The following OSBPL1A variants were observed in gnomAD, a reference collection of about 807,000 sequenced individuals.
The protein encoded by OSBPL1A is oxysterol binding protein like 1A.
In OSBPL1A, 80 loss-of-function variants were observed where a neutral mutation model predicts 137.1. The observed-to-expected ratio is 0.58, with a 90% CI of 0.49 to 0.70. OSBPL1A has a LOEUF of 0.70. Among genes scored for constraint, OSBPL1A ranks in the 30% least tolerant of loss-of-function variants. OSBPL1A has a pLI of 0.00. For synonymous variants in OSBPL1A, 365 were observed against 389.7 expected, an observed-to-expected ratio of 0.94 and a Z score of 0.75; for missense variants, 970 against 1,129.4, an observed-to-expected ratio of 0.86 and a Z score of 2.02.
At chr18:24,248,337 C>T (rs1435286492) in intron 15 of OSBPL1A, among the ~76,000 whole-genome samples, 2 of 152,162 alleles carry the variant, frequency 1.3e-5, no homozygotes, top group Admixed American at 6.6e-5. Context: ...AGTCTCAAGG[C>T]CCTACAAAGC....
intron 14 of OSBPL1A, among the ~76,000 whole-genome samples, chr18:24,281,366 G>T (rs1277831955): frequency 6.6e-6 from 1 of 151,074 alleles, no homozygotes; most frequent in Non-Finnish European, 1.5e-5. Context: ...TTACAGGCGT[G>T]AGTCACCGCG....
At chr18:24,345,116 C>T (rs1452589240) in intron 4 of OSBPL1A, among the ~76,000 whole-genome samples, 2 of 151,100 alleles carry the variant, frequency 1.3e-5, no homozygotes, top group Non-Finnish European at 1.5e-5. Flanking sequence ...CTGCACCCAG[C>T]TGAGAAGAAT....
Position 24,280,935 on chromosome 18 carries a change from T to C in OSBPL1A, c.1188A>G (p.Ser396=). The C allele has an allele frequency of 6.2e-7, 1 of 1,601,376 alleles. No individual in the cohort carries two copies. Among genetic ancestry groups the C allele is most frequent in the South Asian group, 1.1e-5 (1 of 88,144 alleles). The change falls in exon 15 of 28, where the codon TCA becomes TCG. Residue 396 remains serine, a synonymous_variant. Transcript: ENST00000319481. ...AGACAACTTCAACTTTCTGAAGAAA[T>C]GATGGAAGCATTTCTATAAAGAAAA... ...ECDMAKEMLP[S]FLQKVEVVSE...
At position 24,165,297 on chromosome 18, in the gene OSBPL1A, T is replaced by G. The variant is rs974009984; in HGVS notation, c.2660-142A>C. 2.9e-5 allele frequency: 22 copies of G among 771,620 alleles called. No individual in the cohort carries two copies. The African/African-American group carries it at 3.7e-4, about 13-fold the overall frequency. The allele number at this position is 771,620 out of a possible 1,614,324, so 47.8% of individuals were successfully genotyped here. Reference sequence around the variant, plus strand: ...AGAACACAAATACCAGAATCAAATATCAAGCAAAAATTTTAACAGATACCT... The same window carrying G: ...AGAACACAAATACCAGAATCAAATAGCAAGCAAAAATTTTAACAGATACCT... On this transcript the variant is annotated intron_variant, in intron 26 of 27. Transcript: ENST00000319481.
At chr18:24,263,030 T>G (rs2089479107) in intron 15 of OSBPL1A, among the ~76,000 whole-genome samples, 1 of 152,208 alleles carries the variant, frequency 6.6e-6, no homozygotes, top group African/African-American at 2.4e-5. Flanking sequence ...GCTTTTTACA[T>G]GCCTTCAGCT....
chr18:24,182,899 C>T (rs1466884043), intron 18 of OSBPL1A, among the ~76,000 whole-genome samples: 1 of 151,560 alleles, frequency 6.6e-6, no homozygotes, highest in Non-Finnish European at 1.5e-5. Context: ...GATGGAGTCT[C>T]ACTCTGTCAC....
chr18:24,376,742 G>T (rs548951543), intron 2 of OSBPL1A, among the ~76,000 whole-genome samples: 1 of 152,364 alleles, frequency 6.6e-6, no homozygotes, highest in Admixed American at 6.5e-5. Context: ...GGCAGCTAAG[G>T]CCCGGTGAGA....
intron 15 of OSBPL1A, among the ~76,000 whole-genome samples, chr18:24,255,025 C>T (rs1409771896): frequency 4.6e-5 from 7 of 152,172 alleles, no homozygotes; most frequent in South Asian, 2.1e-4. Flanking sequence ...AACATTACAA[C>T]AGATACCACA....
At chr18:24,366,746 TG>T in intron 4 of OSBPL1A, 145 bp downstream of exon 4, 1 of 609,026 alleles carries the variant, frequency 1.6e-6, no homozygotes, top group Non-Finnish European at 2.7e-6. Context: ...AAAGATCCTG[TG>T]GCCTTTTGAC....
At chr18:24,264,398 A>G (rs1458077430) in intron 15 of OSBPL1A, among the ~76,000 whole-genome samples, 1 of 152,202 alleles carries the variant, frequency 6.6e-6, no homozygotes, top group African/African-American at 2.4e-5. Flanking sequence ...ATTTTTTGAA[A>G]TGCCCTTCAA....
At chr18:24,365,891 C>T (rs990923119) in intron 4 of OSBPL1A, among the ~76,000 whole-genome samples, 1 of 152,140 alleles carries the variant, frequency 6.6e-6, no homozygotes, top group Non-Finnish European at 1.5e-5. Context: ...CAGTTCTCCC[C>T]ACCACCAAGC....
intron 22 of OSBPL1A, 134 bp from the exon 23 acceptor site, chr18:24,171,632 G>T (rs754534461): frequency 1.5e-6 from 1 of 663,232 alleles, no homozygotes; most frequent in Non-Finnish European, 2.6e-6. Flanking sequence ...ATACTAAAGT[G>T]ATAATGATTA....
intron 2 of OSBPL1A, among the ~76,000 whole-genome samples, chr18:24,373,725 T>C (rs567084519): frequency 7.9e-5 from 12 of 152,180 alleles, no homozygotes; most frequent in Non-Finnish European, 1.5e-4. Flanking sequence ...TTTGTCATTA[T>C]TTGGAAAAAC....
At chr18:24,256,363 A>G (rs1447404491) in intron 15 of OSBPL1A, among the ~76,000 whole-genome samples, 1 of 152,222 alleles carries the variant, frequency 6.6e-6, no homozygotes, top group Non-Finnish European at 1.5e-5. Flanking sequence ...AGAGCTGATG[A>G]AAAAAACCAT....
At chr18:24,184,222 T>A (rs2086684397) in intron 18 of OSBPL1A, among the ~76,000 whole-genome samples, 1 of 147,610 alleles carries the variant, frequency 6.8e-6, no homozygotes, top group Non-Finnish European at 1.5e-5. Flanking sequence ...TTTATTTTTT[T>A]AGATACTACC....
At chr18:24,256,991 A>AAAAG (rs2089296816) in intron 15 of OSBPL1A, among the ~76,000 whole-genome samples, 2 of 146,890 alleles carry the variant, frequency 1.4e-5, no homozygotes, top group African/African-American at 2.5e-5. Flanking sequence ...AAAAAAAAAA[A>AAAAG]GGAAAGATAT....
rs1334557490 is a variant in OSBPL1A at position 24,250,181 on chromosome 18, TG to T, written c.1282-10800del. ...TTGTTTGTTTGTTTGTTTGTTTGTT[TG>T]TTTGTTTTTTTTGACATGGAGTCTC... is the stretch of plus-strand genomic sequence containing the variant. On this transcript the variant is annotated intron_variant, in intron 15 of 27. Coordinates refer to ENST00000319481, the MANE Select transcript of OSBPL1A (RefSeq NM_080597.4). Among the ~76,000 whole-genome samples, 190 of 57,274 alleles carry T rather than the reference TG, an allele frequency of 3.3e-3. 4 individuals are homozygous for T. The highest frequency in any genetic ancestry group is 6.5e-3 in the East Asian group (5 of 766). 37.6% of individuals were successfully genotyped at this position (57,274 alleles called of 152,430 possible).
intron 15 of OSBPL1A, among the ~76,000 whole-genome samples, chr18:24,250,025 G>C (rs2089027423): frequency 6.6e-6 from 1 of 152,122 alleles, no homozygotes; most frequent in Non-Finnish European, 1.5e-5. Context: ...AGGAGAAGAG[G>C]GCGAAGAGTA....
chr18:24,382,948 G>T (rs1296459446), intron 1 of OSBPL1A, among the ~76,000 whole-genome samples: 1 of 152,118 alleles, frequency 6.6e-6, no homozygotes, highest in African/African-American at 2.4e-5. Flanking sequence ...GCAATATATT[G>T]TTAGGACAGA....
Sources: allele counts gnomAD v4.1 joint callset (sites outside exome capture counted in the v4.1 genomes callset), GRCh38; gene constraint gnomAD v4.1.1; transcripts MANE v1.5; gene names NCBI Gene and HGNC (gene_info 2026-07-23, HGNC 2026-07-21).